Variants in NEK11 observed in about 807,000 individuals in gnomAD.
The protein encoded by NEK11 is NIMA related kinase 11, also known as serine/threonine-protein kinase Nek11.
In NEK11, 72 loss-of-function variants were observed where a neutral mutation model predicts 80.7. That is an observed-to-expected ratio of 0.89 (90% CI 0.74 to 1.08). The LOEUF (loss-of-function observed/expected upper bound fraction) is 1.08, where lower values mean the gene tolerates loss of function less well. Ranked by LOEUF, NEK11 falls within the 50% of genes least tolerant of loss-of-function variation. The pLI, the probability that NEK11 is intolerant of heterozygous loss-of-function variation, is 0.00. For missense variants in NEK11, 764 were observed against 763.6 expected (o/e 1.00, Z -0.01); for synonymous variants, 251 against 260.7 (o/e 0.96, Z 0.36).
Position 131,194,995 on chromosome 3 carries a change from T to C in NEK11, c.1399+24108T>C, listed in dbSNP as rs1233183444. The stretch of plus-strand genomic sequence containing the variant: ...ACTATTACCAGGCTGCTCATGGTAA[T>C]GAGCGTGGTAAGAACCTCCAGTTGC... On this transcript the variant is annotated intron_variant, in intron 14 of 17. Transcript: ENST00000383366. Among the ~76,000 whole-genome samples, 4 of 152,282 alleles carry C rather than the reference T, an allele frequency of 2.6e-5. No homozygotes were observed. In the East Asian group the frequency reaches 5.8e-4, roughly 22 times the overall value.
At chr3:131,318,830 T>C (rs2096869986) in intron 17 of NEK11, among the ~76,000 whole-genome samples, 1 of 151,516 alleles carries the variant, frequency 6.6e-6, no homozygotes, top group African/African-American at 2.4e-5. Flanking sequence ...AAAACTATTT[T>C]GGTAGAAATT....
At chr3:131,161,409 A>G (rs2091565382) in intron 10 of NEK11, among the ~76,000 whole-genome samples, 1 of 152,204 alleles carries the variant, frequency 6.6e-6, no homozygotes, top group South Asian at 2.1e-4. Context: ...ATTGTTCACA[A>G]TAGCAAAGAC....
intron 12 of NEK11, among the ~76,000 whole-genome samples, chr3:131,168,026 C>A (rs940176220): frequency 6.6e-6 from 1 of 152,228 alleles, no homozygotes; most frequent in Non-Finnish European, 1.5e-5. Context: ...TCTGTTTGAA[C>A]ACTGTGTCCT....
At chr3:131,331,461 A>C (rs942286836) in intron 17 of NEK11, among the ~76,000 whole-genome samples, 4 of 152,236 alleles carry the variant, frequency 2.6e-5, no homozygotes, top group African/African-American at 9.6e-5. Flanking sequence ...ATAGATATTA[A>C]AAATCAGAAG....
chr3:131,183,195 C>T (rs1423079066), intron 14 of NEK11, among the ~76,000 whole-genome samples: 1 of 152,192 alleles, frequency 6.6e-6, no homozygotes, highest in Admixed American at 6.5e-5. Context: ...TTTCCCTTGG[C>T]CCCTTTAGCT....
At chr3:131,338,186 T>C (rs986074353) in intron 17 of NEK11, among the ~76,000 whole-genome samples, 1 of 151,938 alleles carries the variant, frequency 6.6e-6, no homozygotes, top group African/African-American at 2.4e-5. Flanking sequence ...AGGATGGTCT[T>C]GATCTCCTGC....
At chr3:131,122,459 C>G (rs2082551780) in intron 5 of NEK11, among the ~76,000 whole-genome samples, 1 of 152,192 alleles carries the variant, frequency 6.6e-6, no homozygotes, top group East Asian at 1.9e-4. Context: ...ACATAGAGGA[C>G]TCATTGTGTT....
At chr3:131,042,521 T>TGCAGTGCCACAAAGCC (rs1281128231) in intron 3 of NEK11, among the ~76,000 whole-genome samples, 4 of 152,208 alleles carry the variant, frequency 2.6e-5, no homozygotes, top group African/African-American at 9.6e-5. Context: ...TGGAGCCTAC[T>TGCAGTGCCACAAAGCC]GCAGTGCCAC....
At chr3:131,314,971 ATATTT>A (rs796911787) in intron 17 of NEK11, among the ~76,000 whole-genome samples, 115 of 152,322 alleles carry the variant, frequency 7.5e-4, no homozygotes, top group African/African-American at 2.4e-3. Context: ...GGAGCTTATT[ATATTT>A]TATTTCACTT....
intron 17 of NEK11, among the ~76,000 whole-genome samples, chr3:131,321,656 C>A (rs943758083): frequency 6.6e-5 from 10 of 151,854 alleles, no homozygotes; most frequent in African/African-American, 1.7e-4. Context: ...AAGCAAAAAA[C>A]CAAATAACCC....
chr3:131,057,509 GTAAAAGTGTTCCTATT>G (rs2148760650), intron 3 of NEK11, among the ~76,000 whole-genome samples: 1 of 151,336 alleles, frequency 6.6e-6, no homozygotes, highest in East Asian at 1.9e-4. Flanking sequence ...CACCAACAGT[GTAAAAGTGTTCCTATT>G]TCTCCACATC....
chr3:131,328,047 G>A (rs1283586349), intron 17 of NEK11, among the ~76,000 whole-genome samples: 1 of 152,102 alleles, frequency 6.6e-6, no homozygotes, highest in Non-Finnish European at 1.5e-5. Flanking sequence ...GATTTGGGGG[G>A]CCAGCATGAG....
At chr3:131,344,209 C>T (rs769355400) in intron 17 of NEK11, among the ~76,000 whole-genome samples, 1 of 152,170 alleles carries the variant, frequency 6.6e-6, no homozygotes, top group Non-Finnish European at 1.5e-5. Flanking sequence ...CCACCAGATA[C>T]CCTCAATCAT....
chr3:131,065,920 G>C lies in NEK11; in HGVS notation c.171-14503G>C, dbSNP rs1356980070. Among the ~76,000 whole-genome samples the C allele has an allele frequency of 2.0e-5, 3 of 152,092 alleles. No individual in the cohort carries two copies. The East Asian group carries it at 5.8e-4, about 29-fold the overall frequency. ...TAAAATGTAAGTGAGGATATTGTTA[G>C]GGATCTCAATGGCATTAGGAAGTAC... On this transcript the variant is annotated intron_variant, in intron 3 of 17. Transcript: ENST00000383366.
intron 4 of NEK11, among the ~76,000 whole-genome samples, chr3:131,083,076 C>G (rs1289022344): frequency 6.6e-6 from 1 of 152,244 alleles, no homozygotes; most frequent in African/African-American, 2.4e-5. Context: ...TTCTTTGCCT[C>G]TACCCCAGCC....
At chr3:131,117,462 C>T (rs2081462347) in intron 5 of NEK11, among the ~76,000 whole-genome samples, 1 of 152,108 alleles carries the variant, frequency 6.6e-6, no homozygotes, top group Non-Finnish European at 1.5e-5. Flanking sequence ...AATGTGGGCT[C>T]TTTTTTGGTT....
chr3:131,163,594 A>T (rs951247375), intron 11 of NEK11, among the ~76,000 whole-genome samples: 2 of 152,164 alleles, frequency 1.3e-5, no homozygotes, highest in Non-Finnish European at 2.9e-5. Flanking sequence ...GGGGGGCATG[A>T]ATGGGGAAAT....
At chr3:131,337,368 A>G (rs1454336675) in intron 17 of NEK11, among the ~76,000 whole-genome samples, 1 of 152,000 alleles carries the variant, frequency 6.6e-6, no homozygotes, top group Non-Finnish European at 1.5e-5. Context: ...CGCAACGACA[A>G]AACACCAAAC....
chr3:131,307,528 AAT>A (rs1483469734), intron 17 of NEK11, among the ~76,000 whole-genome samples: 1 of 152,230 alleles, frequency 6.6e-6, no homozygotes, highest in Non-Finnish European at 1.5e-5. Context: ...CATAAAATGC[AAT>A]ATATAGTAAG....
Sources: allele counts gnomAD v4.1 joint callset (sites outside exome capture counted in the v4.1 genomes callset), GRCh38; gene constraint gnomAD v4.1.1; transcripts MANE v1.5; gene names NCBI Gene and HGNC (gene_info 2026-07-23, HGNC 2026-07-21).